SCAMP2: variants seen among roughly 807,000 people sequenced by gnomAD.
SCAMP2 encodes the protein secretory carrier-associated membrane protein 2.
A neutral mutation model predicts 44.1 loss-of-function variants in SCAMP2; 25 were observed. The ratio of observed to expected loss-of-function variants is 0.57; its 90% CI spans 0.41 to 0.79. The LOEUF (loss-of-function observed/expected upper bound fraction) is 0.79, where lower values mean the gene tolerates loss of function less well. SCAMP2 is among the 30% of genes least tolerant of loss of function. The probability of loss-of-function intolerance (pLI) is 0.00; values close to 1 mark genes in which losing one functional copy is unlikely to be tolerated. For missense variants in SCAMP2, 355 were observed against 411.0 expected (o/e 0.86, Z 1.18); for synonymous variants, 156 against 166.0 (o/e 0.94, Z 0.46).
At chr15:74,859,432 G>A (rs562902171) in intron 1 of SCAMP2, among the ~76,000 whole-genome samples, 4 of 152,178 alleles carry the variant, frequency 2.6e-5, no homozygotes, top group Admixed American at 6.5e-5. Context: ...GAGACACCTC[G>A]GTGGGCTTCA....
intron 1 of SCAMP2, chr15:74,872,985 C>T (rs901409731): frequency 6.0e-6 from 3 of 502,794 alleles, no homozygotes; most frequent in Admixed American, 8.7e-5. Flanking sequence ...CCCACTGTCT[C>T]CAACACTTCA....
chr15:74,863,768 GA>G (rs2064524374), intron 1 of SCAMP2, among the ~76,000 whole-genome samples: 2 of 152,166 alleles, frequency 1.3e-5, no homozygotes, highest in Admixed American at 1.3e-4. Flanking sequence ...AACCAAGAAA[GA>G]ACCTTGATTC....
chr15:74,865,113 G>T (rs1314038266), intron 1 of SCAMP2, among the ~76,000 whole-genome samples: 4 of 142,380 alleles, frequency 2.8e-5, no homozygotes, highest in African/African-American at 1.1e-4. Context: ...AGGCACAGTT[G>T]CTCACGCCTG....
At chr15:74,853,432 T>C in intron 3 of SCAMP2, 3 of 456,472 alleles carry the variant, frequency 6.6e-6, no homozygotes, top group South Asian at 4.6e-5. Flanking sequence ...CATCTGCCTC[T>C]CTGAGAGCTC....
chr15:74,854,316 T>C (rs1361790866), intron 2 of SCAMP2, among the ~76,000 whole-genome samples, 197 bp from the exon 3 acceptor site: 2 of 152,198 alleles, frequency 1.3e-5, no homozygotes, highest in African/African-American at 4.8e-5. Flanking sequence ...CCGGCACCCC[T>C]GGGCTCGCTG....
At chr15:74,873,023 T>C (rs1041985366) in intron 1 of SCAMP2, 176 bp downstream of exon 1, 1 of 546,270 alleles carries the variant, frequency 1.8e-6, no homozygotes, top group Non-Finnish European at 3.1e-6. Context: ...CAGTTCCACC[T>C]GCTGCTAGTC....
At chr15:74,872,762 T>C (rs563639373) in intron 1 of SCAMP2, among the ~76,000 whole-genome samples, 1 of 152,226 alleles carries the variant, frequency 6.6e-6, no homozygotes, top group Non-Finnish European at 1.5e-5. Flanking sequence ...TTTTCCCACA[T>C]TTTTCCCCTC....
At chr15:74,856,741 G>A (rs2064471547) in intron 1 of SCAMP2, among the ~76,000 whole-genome samples, 1 of 151,858 alleles carries the variant, frequency 6.6e-6, no homozygotes, top group Admixed American at 6.6e-5. Flanking sequence ...CTACACACAT[G>A]AGCCACCAGG....
At chr15:74,865,311 G>T (rs949777455) in intron 1 of SCAMP2, among the ~76,000 whole-genome samples, 1 of 150,792 alleles carries the variant, frequency 6.6e-6, no homozygotes, top group African/African-American at 2.4e-5. Context: ...AACCCAGGGG[G>T]CAGAGGTTGC....
chr15:74,866,867 G>A (rs978770738), intron 1 of SCAMP2, among the ~76,000 whole-genome samples: 1 of 151,088 alleles, frequency 6.6e-6, no homozygotes, highest in African/African-American at 2.4e-5. Context: ...TGCAATCTCG[G>A]CTCGCTGCAA....
At chr15:74,850,951 A>G (rs1369311551) in intron 5 of SCAMP2, among the ~76,000 whole-genome samples, 1 of 152,176 alleles carries the variant, frequency 6.6e-6, no homozygotes, top group Non-Finnish European at 1.5e-5. Flanking sequence ...TCCTTGGGGA[A>G]GGAAGTCTTT....
At chr15:74,867,461 C>G (rs2141182340) in intron 1 of SCAMP2, among the ~76,000 whole-genome samples, 1 of 152,352 alleles carries the variant, frequency 6.6e-6, no homozygotes, top group South Asian at 2.1e-4. Context: ...GGCAGGAATC[C>G]TATCTGGGCA....
intron 1 of SCAMP2, among the ~76,000 whole-genome samples, chr15:74,867,321 A>T (rs2141182268): frequency 6.6e-6 from 1 of 152,322 alleles, no homozygotes; most frequent in South Asian, 2.1e-4. Flanking sequence ...GTTAAATATT[A>T]CCATTTCTCT....
chr15:74,862,053 A>G (rs1011102784), intron 1 of SCAMP2, among the ~76,000 whole-genome samples: 6 of 148,870 alleles, frequency 4.0e-5, no homozygotes, highest in African/African-American at 1.5e-4. Flanking sequence ...CAGGAGTTTG[A>G]GACCAGCCTG....
At chr15:74,845,933 G>A (rs2064396353) in intron 7 of SCAMP2, among the ~76,000 whole-genome samples, 1 of 152,090 alleles carries the variant, frequency 6.6e-6, no homozygotes, top group African/African-American at 2.4e-5. Context: ...TGAGGCAGGA[G>A]GATCGCTTGA....
chr15:74,870,135 C>A (rs2064566323), intron 1 of SCAMP2, among the ~76,000 whole-genome samples: 1 of 152,204 alleles, frequency 6.6e-6, no homozygotes, highest in African/African-American at 2.4e-5. Flanking sequence ...GGACTCCCCA[C>A]CAGATGTGGC....
In SCAMP2 at chr15:74,854,594, T is replaced by C. The variant is rs1157771503; in HGVS notation, c.113A>G (p.Asn38Ser). Residue 38 changes from asparagine (N) to serine (S), a missense_variant, in exon 2 of 9, where the codon AAC becomes AGC. Asn to Ser is a conservative substitution (Grantham distance 46, BLOSUM62 1). Transcript: ENST00000268099. ...CTGCTCACCAACCTCTGAGAAGGGG[T>C]TGAATTCCGCCAGGCCGCCCTGCGG... ...NAPQGGLAEF[N>S]PFSETNAATT... is the part of the protein sequence containing the mutation. The C allele has an allele frequency of 8.1e-6, 13 of 1,603,976 alleles. No individual in the cohort carries two copies. The highest frequency in any genetic ancestry group is 2.3e-5 in the South Asian group (2 of 88,862).
Position 74,862,899 on chromosome 15 carries a change from T to C in SCAMP2, c.58-8250A>G, listed in dbSNP as rs573581819. ...ACACACACACACACACACACACACA[T>C]ATTTTTAAAAAGAGAAAGAAAAAAA... is the stretch of plus-strand genomic sequence containing the variant. On this transcript the variant is annotated intron_variant, in intron 1 of 8. Coordinates refer to ENST00000268099, the MANE Select transcript of SCAMP2 (RefSeq NM_005697.5). Among the ~76,000 whole-genome samples, 37 of 121,430 alleles carry C rather than the reference T, an allele frequency of 3.0e-4. No individual in the cohort carries two copies. In the East Asian group the frequency reaches 3.7e-3, roughly 12 times the overall value. The allele number at this position is 121,430 out of a possible 152,430, so 79.7% of individuals were successfully genotyped here. A position where few individuals can be genotyped will look rare whatever the true frequency, so the allele number is the denominator to read the frequency against.
chr15:74,872,916 G>A, intron 1 of SCAMP2: 1 of 397,198 alleles, frequency 2.5e-6, no homozygotes, highest in Non-Finnish European at 4.5e-6. Flanking sequence ...GGAAGGGTCC[G>A]ACCGTACCTG....
Sources: gnomAD v4.1 joint callset for allele counts (sites outside exome capture counted in the v4.1 genomes callset) on GRCh38, gnomAD v4.1.1 for gene constraint, MANE v1.5 for transcripts, NCBI Gene and HGNC (gene_info 2026-07-23, HGNC 2026-07-21) for gene names.